The following PTPRG variants were observed in gnomAD, a reference collection of about 807,000 sequenced individuals.
PTPRG encodes receptor-type tyrosine-protein phosphatase gamma.
A neutral mutation model predicts 165.3 loss-of-function variants in PTPRG; 102 were observed. The ratio of observed to expected loss-of-function variants is 0.62; its 90% CI spans 0.53 to 0.73. PTPRG has a LOEUF of 0.73. Ranked by LOEUF, PTPRG falls within the 30% of genes least tolerant of loss-of-function variation. The pLI is 0.00. For missense variants in PTPRG, 1,866 were observed against 1,861.4 expected, an observed-to-expected ratio of 1.00 and a Z score of -0.05; for synonymous variants, 675 against 669.5, an observed-to-expected ratio of 1.01 and a Z score of -0.13.
At chr3:62,148,588 A>AC (rs895226196) in intron 6 of PTPRG, among the ~76,000 whole-genome samples, 10 of 152,084 alleles carry the variant, frequency 6.6e-5, no homozygotes, top group South Asian at 4.2e-4. Context: ...ACATGGTGAA[A>AC]CCCTGTCTCT....
rs531808754 is a variant in PTPRG, at chr3:62,217,997, T to C, written c.2156-854T>C. On this transcript the variant is annotated intron_variant, in intron 12 of 29. Transcript: ENST00000474889. The surrounding 1 kb of genome is among the most constrained non-coding windows in gnomAD (Gnocchi z 4.3). Reference sequence around the variant, plus strand: ...TAGGGTGTGGTATGGCTTCCTGTCTTGGGAAAGAAAATAGGAGCTTTTGGA... The same window carrying C: ...TAGGGTGTGGTATGGCTTCCTGTCTCGGGAAAGAAAATAGGAGCTTTTGGA... The C allele has an allele frequency of 1.1e-4, 17 of 152,284 alleles. No individual in the cohort carries two copies. Among genetic ancestry groups the C allele is most frequent in the African/African-American group, 4.1e-4 (17 of 41,482 alleles). The allele number at this position is 152,284 out of a possible 1,614,324, so 9.4% of individuals were successfully genotyped here.
In PTPRG at chr3:62,203,440, G is replaced by A. The variant is rs905525520; in HGVS notation, c.1645G>A (p.Ala549Thr). The A allele has an allele frequency of 3.1e-6, 5 of 1,598,094 alleles. No homozygotes were observed. Among genetic ancestry groups the A allele is most frequent in the Middle Eastern group, 3.3e-4 (2 of 6,034 alleles). Reference protein sequence around the residue: ...PTAASASKQAARPVLATTEAL... With the variant: ...PTAASASKQATRPVLATTEAL... Reference sequence around the variant, plus strand: ...GGCCGCCTCAGCCAGCAAGCAGGCGGCTAGGCCAGTCCTAGCCACCACAGA... The same window carrying A: ...GGCCGCCTCAGCCAGCAAGCAGGCGACTAGGCCAGTCCTAGCCACCACAGA... The change falls in exon 12 of 30, where the codon GCT becomes ACT. Residue 549 changes from alanine (A) to threonine (T), a missense_variant. Physicochemically the swap from Ala to Thr is moderately conservative, Grantham distance 58. This residue lies in a region of PTPRG where 1,452 missense variants were observed against 1,463.0 expected (regional missense o/e 0.99). Coordinates refer to ENST00000474889, the MANE Select transcript of PTPRG (RefSeq NM_002841.4). This position sits in a 1 kb window ranked among gnomAD's most constrained non-coding sequence, Gnocchi z 6.4.
chr3:61,976,772 T>C (rs1182273690), intron 2 of PTPRG, among the ~76,000 whole-genome samples: 1 of 152,036 alleles, frequency 6.6e-6, no homozygotes, highest in African/African-American at 2.4e-5. Flanking sequence ...CCTCCCTGGT[T>C]CAAGCAATTT....
In PTPRG at chr3:62,224,716, G is replaced by C. The variant is rs113307124; in HGVS notation, c.2288+5733G>C. On this transcript the variant is annotated intron_variant, in intron 13 of 29. Coordinates refer to ENST00000474889, the MANE Select transcript of PTPRG (RefSeq NM_002841.4). This position sits in a 1 kb window ranked among gnomAD's most constrained non-coding sequence, Gnocchi z 4.9. ...ACCTCGGATACCTGTATGTCTGAGA[G>C]ACCTCAGACATCAGTCTCATCGGGG... Among the ~76,000 whole-genome samples, 4 of 152,304 alleles carry C rather than the reference G, an allele frequency of 2.6e-5. No individual in the cohort carries two copies. Among genetic ancestry groups the C allele is most frequent in the African/African-American group, 4.8e-5 (2 of 41,572 alleles).
chr3:61,832,999 A>C (rs2036347416), intron 2 of PTPRG, among the ~76,000 whole-genome samples: 1 of 151,974 alleles, frequency 6.6e-6, no homozygotes, highest in Non-Finnish European at 1.5e-5. Context: ...GAATAATAGT[A>C]TCCCATTCCA....
At chr3:61,770,036 T>C (rs2034160719) in intron 2 of PTPRG, 1 of 152,198 alleles carries the variant, frequency 6.6e-6, no homozygotes, top group South Asian at 2.1e-4. Context: ...CTGATAAGCT[T>C]ATTTAGCCAA....
intron 2 of PTPRG, among the ~76,000 whole-genome samples, chr3:61,986,651 C>A (rs77584786): frequency 1.3e-5 from 2 of 152,144 alleles, no homozygotes; most frequent in Non-Finnish European, 2.9e-5. Flanking sequence ...TGTTTTCTAC[C>A]CCGCCCTTAC....
chr3:61,681,754 T>C (rs1210619668), intron 1 of PTPRG, among the ~76,000 whole-genome samples: 1 of 152,192 alleles, frequency 6.6e-6, no homozygotes, highest in Non-Finnish European at 1.5e-5. Context: ...TTTCTTGCTC[T>C]GGATTTAACT....
intron 7 of PTPRG, among the ~76,000 whole-genome samples, chr3:62,167,542 T>G (rs2106733006): frequency 6.6e-6 from 1 of 152,308 alleles, no homozygotes; most frequent in South Asian, 2.1e-4. Flanking sequence ...AAGCAGCTTG[T>G]TCAGGTCACA....
intron 1 of PTPRG, among the ~76,000 whole-genome samples, chr3:61,677,276 T>C (rs1703267611): frequency 1.3e-5 from 2 of 149,992 alleles, no homozygotes; most frequent in African/African-American, 4.9e-5. Flanking sequence ...AATCACTACC[T>C]CTTCTTATGT....
intron 4 of PTPRG, among the ~76,000 whole-genome samples, chr3:62,015,829 G>C (rs1018613252): frequency 6.6e-6 from 1 of 152,134 alleles, no homozygotes; most frequent in Non-Finnish European, 1.5e-5. Context: ...GATGCTCGTG[G>C]AGGGGATATC....
At chr3:62,225,716 T>C (rs112099820) in intron 13 of PTPRG, among the ~76,000 whole-genome samples, 2,161 of 151,006 alleles carry the variant, frequency 0.014, 64 homozygotes, top group African/African-American at 0.05. Context: ...AGTGCAATGG[T>C]GTGATCTCGG....
chr3:61,568,000 C>G (rs1418350133), intron 1 of PTPRG, among the ~76,000 whole-genome samples: 2 of 149,536 alleles, frequency 1.3e-5, no homozygotes, highest in African/African-American at 2.5e-5. Flanking sequence ...ATTTGCCAGT[C>G]TGAGAAATGG....
At chr3:62,176,836 T>C (rs552034646) in intron 8 of PTPRG, among the ~76,000 whole-genome samples, 1 of 152,252 alleles carries the variant, frequency 6.6e-6, no homozygotes, top group South Asian at 2.1e-4. Flanking sequence ...GAATAAATAA[T>C]AAGACAGGAT....
intron 1 of PTPRG, among the ~76,000 whole-genome samples, chr3:61,588,501 A>G (rs1700491780): frequency 6.8e-6 from 1 of 147,376 alleles, no homozygotes; most frequent in Non-Finnish European, 1.5e-5. Context: ...CCTCTGGAGC[A>G]GTGATGTGAT....
intron 2 of PTPRG, among the ~76,000 whole-genome samples, chr3:61,797,590 C>T (rs956368528): frequency 2.1e-5 from 3 of 141,854 alleles, no homozygotes; most frequent in Non-Finnish European, 4.7e-5. Context: ...CACCCCCCCC[C>T]ACCCCCCCAC....
intron 2 of PTPRG, among the ~76,000 whole-genome samples, chr3:61,967,034 C>A (rs980584003): frequency 1.3e-5 from 2 of 152,174 alleles, no homozygotes; most frequent in African/African-American, 4.8e-5. Context: ...CAGATTGGTG[C>A]TCCCAGAGAA....
At chr3:61,767,676 G>A (rs659818) in intron 2 of PTPRG, among the ~76,000 whole-genome samples, 135,819 of 152,228 alleles carry the variant, frequency 0.89, 60,654 homozygotes, top group East Asian at 0.94. Context: ...TAAGATGAAT[G>A]TTTTATATTT....
chr3:62,087,625 C>T (rs898063398), intron 5 of PTPRG, among the ~76,000 whole-genome samples: 3 of 152,242 alleles, frequency 2.0e-5, no homozygotes, highest in African/African-American at 7.2e-5. Flanking sequence ...ATAAATTACT[C>T]AAAATTACAC....
Sources: gnomAD v4.1 joint callset for allele counts (sites outside exome capture counted in the v4.1 genomes callset) on GRCh38, gnomAD v4.1.1 for gene constraint, gnomAD v4.1.1 regional missense constraint, Gnocchi (gnomAD v3.1) non-coding constraint, MANE v1.5 for transcripts, NCBI Gene and HGNC (gene_info 2026-07-23, HGNC 2026-07-21) for gene names.